Variants in PIGN observed in about 807,000 individuals in gnomAD.
PIGN encodes the protein GPI ethanolamine phosphate transferase 1.
PIGN carries 117 observed loss-of-function variants against 125.4 expected under a neutral mutation model. That is an observed-to-expected ratio of 0.93 (90% CI 0.80 to 1.09). The LOEUF (loss-of-function observed/expected upper bound fraction) is 1.09. Among genes scored for constraint, PIGN ranks in the 50% least tolerant of loss-of-function variants. PIGN has a pLI of 0.00. For synonymous variants in PIGN, 392 were observed against 377.8 expected, an observed-to-expected ratio of 1.04 and a Z score of -0.44; for missense variants, 1,075 against 1,094.9, an observed-to-expected ratio of 0.98 and a Z score of 0.26.
chr18:62,098,469 T>G (rs1293095762), intron 22 of PIGN, among the ~76,000 whole-genome samples: 1 of 152,214 alleles, frequency 6.6e-6, no homozygotes, highest in Admixed American at 6.5e-5. Flanking sequence ...TCAGTTCAAA[T>G]GAGACCTCTT....
At chr18:62,091,564 T>C (rs1188639374) in intron 23 of PIGN, among the ~76,000 whole-genome samples, 3 of 152,186 alleles carry the variant, frequency 2.0e-5, no homozygotes, top group Non-Finnish European at 4.4e-5. Flanking sequence ...GTTGTAATAT[T>C]GTTTACAGAA....
chr18:62,124,645 T>G (rs1314165988), intron 14 of PIGN, among the ~76,000 whole-genome samples: 1 of 152,204 alleles, frequency 6.6e-6, no homozygotes, highest in Non-Finnish European at 1.5e-5. Flanking sequence ...AGGAGAGATA[T>G]GGCCCCTGCC....
intron 4 of PIGN, 66 bp downstream of exon 4, chr18:62,161,067 T>A (rs1217830988): frequency 1.0e-6 from 1 of 991,062 alleles, no homozygotes; most frequent in African/African-American, 1.6e-5. Flanking sequence ...TAGTAAGATA[T>A]TTTGCAGTTT....
rs17714262 is a variant in PIGN, at chr18:62,105,693, G to A, written c.1768-59C>T. 197,482 of 951,908 alleles carry A rather than the reference G, an allele frequency of 0.21. 23,665 individuals carry two copies. Among genetic ancestry groups the A allele is most frequent in the Non-Finnish European group, 0.25 (153,015 of 618,750 alleles). 59.0% of individuals were successfully genotyped at this position (951,908 alleles called of 1,614,324 possible). Reference sequence around the variant, plus strand: ...TATGGTATAGAAAACTATCATTAGTGTTTCACAGACTATATGACTGTGAAG... The same window carrying A: ...TATGGTATAGAAAACTATCATTAGTATTTCACAGACTATATGACTGTGAAG... On this transcript the variant is annotated intron_variant, in intron 19 of 30. Coordinates refer to ENST00000640252, the MANE Select transcript of PIGN (RefSeq NM_176787.5).
chr18:62,028,888 A>T (rs1490405874), intron 23 of PIGN, among the ~76,000 whole-genome samples: 4 of 152,236 alleles, frequency 2.6e-5, no homozygotes, highest in Admixed American at 6.5e-5. Flanking sequence ...GCAATTCAAC[A>T]TGCTTGTCCT....
At position 62,114,509 on chromosome 18, in the gene PIGN, C is replaced by G. The variant is rs907498433; in HGVS notation, c.1251+52G>C. The G allele has an allele frequency of 7.1e-6, 8 of 1,133,762 alleles. No homozygotes were observed. The Admixed American group carries it at 1.6e-4, about 23-fold the overall frequency. 70.2% of individuals were successfully genotyped at this position (1,133,762 alleles called of 1,614,324 possible). On this transcript the variant is annotated intron_variant, in intron 15 of 30. Transcript: ENST00000640252. ...TACTTTGCTCTATTTTTCTCCTCTC[C>G]ATCCCCAAAATGATAATCAGCTATT... is the stretch of plus-strand genomic sequence containing the variant.
chr18:62,090,636 G>A, intron 23 of PIGN, 58 bp from the exon 24 acceptor site: 1 of 935,640 alleles, frequency 1.1e-6, no homozygotes, highest in African/African-American at 1.7e-5. Context: ...AAGTAAAAAT[G>A]CAAATTTACA....
Position 62,102,834 on chromosome 18 carries a change from T to C in PIGN, c.1928A>G (p.Asp643Gly), listed in dbSNP as rs893809898. ...CVVTSLMKRK[D>G]SFIKEELLVH... ...CAATAGCTCTTCCTTTATAAAGCTA[T>C]CTTTTCTTTTCATGAGAGATGTTAC... The change falls in exon 21 of 31, where the codon GAT becomes GGT. Residue 643 changes from aspartate (D) to glycine (G), a missense_variant. Around this residue, in one of 3 missense-constraint regions of PIGN, gnomAD observed 915 missense variants for 908.7 expected, o/e 1.01. Coordinates refer to ENST00000640252, the MANE Select transcript of PIGN (RefSeq NM_176787.5). 11 of 1,579,216 alleles carry C rather than the reference T, an allele frequency of 7.0e-6. No homozygotes were observed. The highest frequency in any genetic ancestry group is 8.6e-6 in the Non-Finnish European group (10 of 1,160,390).
At chr18:62,175,432 C>T (rs2037491078) in intron 1 of PIGN, among the ~76,000 whole-genome samples, 1 of 152,116 alleles carries the variant, frequency 6.6e-6, no homozygotes, top group South Asian at 2.1e-4. Context: ...CTCTTTAACC[C>T]ATTCCCCATA....
intron 14 of PIGN, among the ~76,000 whole-genome samples, chr18:62,130,411 A>G (rs1048584667): frequency 1.3e-5 from 2 of 152,190 alleles, no homozygotes; most frequent in Admixed American, 6.6e-5. Context: ...ATTAACTTAA[A>G]AAGCAACATG....
rs1023972691 is a variant in PIGN at position 62,044,359 on chromosome 18, A to G, written c.*1497T>C. On this transcript the variant is annotated 3_prime_UTR_variant, in exon 31 of 31. Transcript: ENST00000640252. ...CAGTTTTTTCTGATGTGTGAAAAAA[A>G]CTGATAAAAAAATCCTTTGAGGTAA... 4 of 152,220 alleles carry G rather than the reference A, an allele frequency of 2.6e-5. No homozygotes were observed. Among genetic ancestry groups the G allele is most frequent in the Admixed American group, 2.6e-4 (4 of 15,288 alleles). 9.4% of individuals were successfully genotyped at this position (152,220 alleles called of 1,614,324 possible). A position where few individuals can be genotyped will look rare whatever the true frequency, so the allele number is the denominator to read the frequency against.
chr18:62,084,660 A>G, intron 26 of PIGN, 54 bp from the exon 27 acceptor site: 2 of 1,070,052 alleles, frequency 1.9e-6, no homozygotes, highest in Admixed American at 4.2e-5. Flanking sequence ...TAACTTTAAA[A>G]GAATATTCTT....
intron 30 of PIGN, among the ~76,000 whole-genome samples, chr18:62,047,243 G>GT (rs1264323374): frequency 2.0e-5 from 3 of 152,190 alleles, no homozygotes; most frequent in Non-Finnish European, 4.4e-5. Context: ...CTAACTCCCC[G>GT]GCTATGCCCT....
intron 30 of PIGN, among the ~76,000 whole-genome samples, chr18:62,059,583 A>C (rs1445787771): frequency 1.3e-5 from 2 of 152,216 alleles, no homozygotes; most frequent in East Asian, 3.8e-4. Flanking sequence ...TGTTTATATG[A>C]AATGTCCACA....
In PIGN at chr18:62,105,352, C is replaced by T. The variant is rs17636157; in HGVS notation, c.1859+191G>A. The T allele has an allele frequency of 0.19, 71,039 of 369,160 alleles. 8,354 individuals are homozygous for T. The highest frequency in any genetic ancestry group is 0.25 in the Non-Finnish European group (48,841 of 198,730). The allele number at this position is 369,160 out of a possible 1,614,324, so 22.9% of individuals were successfully genotyped here. A position where few individuals can be genotyped will look rare whatever the true frequency, so the allele number is the denominator to read the frequency against. ...ATTTCATTATGAAAGCCCGAAAGCA[C>T]CTACTAGGAGGTTTAATGACTCTTA... On this transcript the variant is annotated intron_variant, in intron 20 of 30. Transcript: ENST00000640252.
intron 1 of PIGN, among the ~76,000 whole-genome samples, chr18:62,186,507 T>C (rs2038026990): frequency 6.6e-6 from 1 of 152,244 alleles, no homozygotes; most frequent in Admixed American, 6.5e-5. Flanking sequence ...AACTCGACGA[T>C]GTTCCCAGAT....
At chr18:62,025,049 A>G (rs1046818659) in intron 23 of PIGN, among the ~76,000 whole-genome samples, 1 of 152,218 alleles carries the variant, frequency 6.6e-6, no homozygotes, top group Non-Finnish European at 1.5e-5. Context: ...AATAAGAGAA[A>G]GATTGGGAAT....
At chr18:62,066,097 C>G (rs565192079) in intron 30 of PIGN, among the ~76,000 whole-genome samples, 1 of 152,220 alleles carries the variant, frequency 6.6e-6, no homozygotes, top group Non-Finnish European at 1.5e-5. Context: ...TTTTAACTTG[C>G]TAACAATAGT....
At position 62,143,341 on chromosome 18, in the gene PIGN, TC is replaced by T; in HGVS notation, c.927del (p.Trp309Ter). Reference protein sequence around the residue: ...QQFDDAFLKEWRLENWKRLDV... With the variant: ...QQFDDAFLKEXRLENWKRLDV... ...TCTAGCCTCTTCCAATTCTCCAATC[TC>T]CACTCTGAAAGATACAATCAGACAC... On this transcript the variant is annotated frameshift_variant, in exon 11 of 31. Transcript: ENST00000640252. LOFTEE classifies it high-confidence loss of function. 1 of 1,521,952 alleles carries T rather than the reference TC, an allele frequency of 6.6e-7. No individual in the cohort carries two copies. Among genetic ancestry groups the T allele is most frequent in the Non-Finnish European group, 9.0e-7 (1 of 1,107,954 alleles). The allele number at this position is 1,521,952 out of a possible 1,614,324, so 94.3% of individuals were successfully genotyped here. A position where few individuals can be genotyped will look rare whatever the true frequency, so the allele number is the denominator to read the frequency against.
Sources: gnomAD v4.1 joint callset for allele counts (sites outside exome capture counted in the v4.1 genomes callset) on GRCh38, gnomAD v4.1.1 for gene constraint, gnomAD v4.1.1 regional missense constraint, MANE v1.5 for transcripts, NCBI Gene and HGNC (gene_info 2026-07-23, HGNC 2026-07-21) for gene names.